Variants in DNM3 observed in about 807,000 individuals in gnomAD.
DNM3 encodes the protein dynamin 3, also known as dynamin-3.
DNM3 carries 47 observed loss-of-function variants against 101.6 expected under a neutral mutation model. The observed-to-expected ratio is 0.46, with a 90% CI of 0.37 to 0.59. The LOEUF (loss-of-function observed/expected upper bound fraction) is 0.59. Among genes scored for constraint, DNM3 ranks in the 20% least tolerant of loss-of-function variants. The pLI, the probability that DNM3 is intolerant of heterozygous loss-of-function variation, is 0.00. For synonymous variants in DNM3, 385 were observed against 387.9 expected, an observed-to-expected ratio of 0.99 and a Z score of 0.09; for missense variants, 849 against 1,085.7, an observed-to-expected ratio of 0.78 and a Z score of 3.06.
chr1:172,077,744 T>G (rs2125976126), intron 11 of DNM3, among the ~76,000 whole-genome samples: 2 of 152,316 alleles, frequency 1.3e-5, no homozygotes, highest in African/African-American at 4.8e-5. Context: ...TTGGAATAAG[T>G]GTGATGTGGT....
chr1:172,094,082 G>C (rs1164496899), intron 13 of DNM3, among the ~76,000 whole-genome samples: 1 of 152,010 alleles, frequency 6.6e-6, no homozygotes, highest in Non-Finnish European at 1.5e-5. Flanking sequence ...TTGTTATGAG[G>C]TGTAAGCCTT....
chr1:172,099,634 A>G (rs1384036697), intron 13 of DNM3, among the ~76,000 whole-genome samples: 1 of 152,046 alleles, frequency 6.6e-6, no homozygotes, highest in African/African-American at 2.4e-5. Flanking sequence ...CAAACCAGGG[A>G]ACTGGAGGTT....
At chr1:172,098,371 G>T (rs1045381381) in intron 13 of DNM3, among the ~76,000 whole-genome samples, 2 of 152,180 alleles carry the variant, frequency 1.3e-5, no homozygotes, top group African/African-American at 4.8e-5. Context: ...GCTCTGTTCT[G>T]CCTGGCTCAC....
chr1:172,060,139 G>A (rs1016453891), intron 10 of DNM3, among the ~76,000 whole-genome samples: 8 of 146,370 alleles, frequency 5.5e-5, no homozygotes, highest in Non-Finnish European at 9.1e-5. Flanking sequence ...CAACTTACAA[G>A]GGATGTGAAG....
intron 13 of DNM3, among the ~76,000 whole-genome samples, chr1:172,107,477 A>C (rs2055146782): frequency 6.6e-6 from 1 of 152,166 alleles, no homozygotes. Flanking sequence ...ACTGCTGCAC[A>C]GGGATGTCAA....
intron 14 of DNM3, among the ~76,000 whole-genome samples, chr1:172,159,451 C>T (rs1020779209): frequency 1.3e-5 from 2 of 151,948 alleles, no homozygotes; most frequent in African/African-American, 4.8e-5. Flanking sequence ...ATGGATTGGT[C>T]CTCCTCAGAA....
chr1:171,911,675 T>C (rs1411162797), intron 1 of DNM3, among the ~76,000 whole-genome samples: 5 of 152,142 alleles, frequency 3.3e-5, no homozygotes, highest in Non-Finnish European at 2.9e-5. Flanking sequence ...TCCAGCCTCC[T>C]GCCAAGGAGC....
intron 14 of DNM3, among the ~76,000 whole-genome samples, chr1:172,201,778 C>T (rs572802): frequency 0.49 from 74,483 of 152,138 alleles, 19,943 homozygotes; most frequent in African/African-American, 0.71. Flanking sequence ...GCTACTGGCT[C>T]GATAGCTCTG....
chr1:171,879,097 G>C (rs2036034247), intron 1 of DNM3, among the ~76,000 whole-genome samples: 1 of 152,122 alleles, frequency 6.6e-6, no homozygotes, highest in Admixed American at 6.6e-5. Context: ...TATGCTTTTG[G>C]CTTATGTACT....
At chr1:172,238,842 C>T (rs74836492) in intron 14 of DNM3, among the ~76,000 whole-genome samples, 1,555 of 152,114 alleles carry the variant, frequency 0.01, 10 homozygotes, top group Middle Eastern at 0.031. Context: ...AAAAAAACAC[C>T]CTTTCCCACT....
intron 14 of DNM3, among the ~76,000 whole-genome samples, chr1:172,204,622 C>T (rs1001297074): frequency 6.6e-6 from 1 of 152,120 alleles, no homozygotes; most frequent in Non-Finnish European, 1.5e-5. Context: ...CCACACGTTT[C>T]TCCCAAACTA....
At chr1:172,374,814 A>G (rs994732190) in intron 17 of DNM3, among the ~76,000 whole-genome samples, 41 of 152,072 alleles carry the variant, frequency 2.7e-4, no homozygotes, top group Admixed American at 7.2e-4. Flanking sequence ...GAACAAAACA[A>G]TTGACAGATT....
chr1:172,361,296 C>T (rs894001999), intron 17 of DNM3, among the ~76,000 whole-genome samples: 5 of 151,938 alleles, frequency 3.3e-5, no homozygotes, highest in South Asian at 2.1e-4. Flanking sequence ...CCAATTATGA[C>T]GGTCAGGGAA....
intron 14 of DNM3, among the ~76,000 whole-genome samples, chr1:172,196,795 T>G (rs562492580): frequency 6.6e-6 from 1 of 152,266 alleles, no homozygotes; most frequent in East Asian, 1.9e-4. Context: ...TCCTTATAGA[T>G]GTTGGATATT....
intron 10 of DNM3, among the ~76,000 whole-genome samples, chr1:172,055,673 A>G (rs1405142893): frequency 6.6e-6 from 1 of 152,224 alleles, no homozygotes; most frequent in Non-Finnish European, 1.5e-5. Context: ...ATAATTTAAA[A>G]AATGAATTAT....
At chr1:172,274,179 C>G (rs2063189580) in intron 15 of DNM3, among the ~76,000 whole-genome samples, 2 of 152,028 alleles carry the variant, frequency 1.3e-5, no homozygotes, top group South Asian at 4.1e-4. Flanking sequence ...CCCTCCTACT[C>G]AACCCCAATA....
chr1:172,410,799 A>G lies in DNM3; in HGVS notation c.*2958A>G. ...ATGTAACTGTAAGCCTTCTCGACTT[A>G]GACTTAAAAAGTGGTCACATAGATT... On this transcript the variant is annotated 3_prime_UTR_variant, in exon 21 of 21. Transcript: ENST00000627582. The G allele has an allele frequency of 2.0e-6, 2 of 985,308 alleles. No individual in the cohort carries two copies. The highest frequency in any genetic ancestry group is 2.4e-6 in the Non-Finnish European group (2 of 829,832). 61.0% of individuals were successfully genotyped at this position (985,308 alleles called of 1,614,324 possible).
rs530648771 is a variant in DNM3 at position 172,217,966 on chromosome 1, G to A, written c.1660-35607G>A. On this transcript the variant is annotated intron_variant, in intron 14 of 20. Coordinates refer to ENST00000627582, the MANE Select transcript of DNM3 (RefSeq NM_015569.5). The stretch of plus-strand genomic sequence containing the variant: ...GAATAACATTCTATATTTGTTCAGC[G>A]TATTTTAGATAATGAGGTAGGAAAA... Among the ~76,000 whole-genome samples, 45 of 152,122 alleles carry A rather than the reference G, an allele frequency of 3.0e-4. 1 individual carries two copies. The East Asian group carries it at 3.1e-3, about 10-fold the overall frequency.
intron 7 of DNM3, among the ~76,000 whole-genome samples, chr1:172,038,967 A>G (rs2049164451): frequency 6.6e-6 from 1 of 150,920 alleles, no homozygotes; most frequent in Non-Finnish European, 1.5e-5. Context: ...TAATGATTTT[A>G]ATGTAGTCCT....
Sources: allele counts gnomAD v4.1 joint callset (sites outside exome capture counted in the v4.1 genomes callset), GRCh38; gene constraint gnomAD v4.1.1; transcripts MANE v1.5; gene names NCBI Gene and HGNC (gene_info 2026-07-23, HGNC 2026-07-21).